TSPAN7: variants seen among roughly 807,000 people sequenced by gnomAD.
The protein encoded by TSPAN7 is tetraspanin-7.
In TSPAN7, 1 loss-of-function variant was observed where a neutral mutation model predicts 17.6. The ratio of observed to expected loss-of-function variants is 0.06; its 90% CI spans 0.02 to 0.27. TSPAN7 has a LOEUF of 0.27. Ranked by LOEUF, TSPAN7 falls within the 10% of genes least tolerant of loss-of-function variation. TSPAN7 has a pLI of 1.00. For synonymous variants in TSPAN7, 78 were observed against 79.0 expected, an observed-to-expected ratio of 0.99 and a Z score of 0.07; for missense variants, 112 against 201.7, an observed-to-expected ratio of 0.56 and a Z score of 2.69.
intron 1 of TSPAN7, among the ~76,000 whole-genome samples, chrX:38,613,618 CTAGTGCTTA>C (rs2069434394): frequency 9.0e-6 from 1 of 111,590 alleles, no homozygotes; most frequent in Admixed American, 9.5e-5. Context: ...AAGGGTAGGT[CTAGTGCTTA>C]GTCTGGGAGC....
chrX:38,596,049 C>T (rs1398709080), intron 1 of TSPAN7, among the ~76,000 whole-genome samples: 1 of 111,844 alleles, frequency 8.9e-6, no homozygotes, highest in Non-Finnish European at 1.9e-5. Flanking sequence ...GTTGTGTGAT[C>T]TGTGCTTCTA....
intron 2 of TSPAN7, 119 bp downstream of exon 2, chrX:38,666,428 A>G (rs1405225826): frequency 1.7e-5 from 13 of 774,769 alleles, no homozygotes; most frequent in Non-Finnish European, 2.5e-5. Context: ...ATTTCAGTCC[A>G]GACTCTTTCC....
At chrX:38,655,232 G>A (rs1010946723) in intron 1 of TSPAN7, among the ~76,000 whole-genome samples, 5 of 111,680 alleles carry the variant, frequency 4.5e-5, no homozygotes, top group Non-Finnish European at 9.4e-5. Context: ...AAGGGGAGAT[G>A]GAGGCTTGGC....
At chrX:38,642,349 T>C (rs2069617476) in intron 1 of TSPAN7, among the ~76,000 whole-genome samples, 1 of 112,187 alleles carries the variant, frequency 8.9e-6, no homozygotes, top group South Asian at 3.7e-4. Context: ...CCAGTGGGTA[T>C]TTATAGGACA....
chrX:38,644,618 A>G (rs1396263910), intron 1 of TSPAN7, among the ~76,000 whole-genome samples: 1 of 111,540 alleles, frequency 9.0e-6, no homozygotes, highest in Admixed American at 9.5e-5. Flanking sequence ...GGATGAATAA[A>G]TGACGTGGAT....
At chrX:38,620,044 G>A (rs2069480775) in intron 1 of TSPAN7, among the ~76,000 whole-genome samples, 1 of 111,955 alleles carries the variant, frequency 8.9e-6, no homozygotes, top group Non-Finnish European at 1.9e-5. Context: ...TGAGGGACAT[G>A]GCGAGGGTGG....
intron 1 of TSPAN7, among the ~76,000 whole-genome samples, chrX:38,665,606 T>G (rs1441735280): frequency 8.9e-6 from 1 of 112,164 alleles, no homozygotes; most frequent in Non-Finnish European, 1.9e-5. Flanking sequence ...AACACATCAA[T>G]AGGGATTCAA....
intron 1 of TSPAN7, 128 bp from the exon 2 acceptor site, chrX:38,665,993 C>A: frequency 1.7e-6 from 1 of 591,336 alleles, no homozygotes; most frequent in Non-Finnish European, 2.8e-6. Context: ...TTTCTCGTTG[C>A]TCAGGGAATC....
intron 1 of TSPAN7, among the ~76,000 whole-genome samples, chrX:38,581,803 G>A (rs1340092464): frequency 8.9e-6 from 1 of 112,582 alleles, no homozygotes; most frequent in Non-Finnish European, 1.9e-5. Flanking sequence ...TAGTAAGAAT[G>A]TGAACTTGCC....
rs1319997573 is a variant in TSPAN7 at position 38,674,135 on chromosome X, G to C, written c.346-86G>C. The stretch of plus-strand genomic sequence containing the variant: ...CATTTATACAGAGACTTTCAGAAGA[G>C]GCTATGTTAGGGTAGAATTTGGTAA... On this transcript the variant is annotated intron_variant, in intron 3 of 7. Coordinates refer to ENST00000378482, the MANE Select transcript of TSPAN7 (RefSeq NM_004615.4). The C allele has an allele frequency of 4.3e-6, 3 of 695,684 alleles. No individual in the cohort carries two copies. The African/African-American group carries it at 6.5e-5, about 15-fold the overall frequency. The allele number at this position is 695,684 out of a possible 1,213,427, so 57.3% of individuals were successfully genotyped here. A position where few individuals can be genotyped will look rare whatever the true frequency, so the allele number is the denominator to read the frequency against.
intron 1 of TSPAN7, among the ~76,000 whole-genome samples, chrX:38,629,074 G>C (rs371989245): frequency 2.7e-5 from 3 of 112,270 alleles, no homozygotes; most frequent in Non-Finnish European, 5.6e-5. Flanking sequence ...AAATTATCTA[G>C]TACCCACATT....
At chrX:38,578,891 A>G in intron 1 of TSPAN7, among the ~76,000 whole-genome samples, 1 of 111,424 alleles carries the variant, frequency 9.0e-6, no homozygotes, top group Non-Finnish European at 1.9e-5. Flanking sequence ...GTGTATATGT[A>G]TTATGTACAT....
intron 2 of TSPAN7, 104 bp downstream of exon 2, chrX:38,666,413 TA>T: frequency 1.1e-6 from 1 of 874,843 alleles, no homozygotes; most frequent in Non-Finnish European, 1.6e-6. Context: ...GACAAGACCT[TA>T]ACAATTTCAG....
chrX:38,675,939 A>T, intron 5 of TSPAN7, 79 bp downstream of exon 5: 2 of 1,095,592 alleles, frequency 1.8e-6, no homozygotes, highest in Non-Finnish European at 1.2e-6. Flanking sequence ...AAATTATGAC[A>T]AATAGATTTG....
At chrX:38,597,038 A>G (rs1427318319) in intron 1 of TSPAN7, among the ~76,000 whole-genome samples, 1 of 111,261 alleles carries the variant, frequency 9.0e-6, no homozygotes, top group East Asian at 2.8e-4. Flanking sequence ...CTGTCCACCT[A>G]CGAAAGTGCT....
intron 1 of TSPAN7, among the ~76,000 whole-genome samples, chrX:38,613,848 G>T (rs997744889): frequency 9.0e-6 from 1 of 111,189 alleles, no homozygotes; most frequent in African/African-American, 3.3e-5. Context: ...ATGGAAAGGG[G>T]AGCTAGACAT....
intron 2 of TSPAN7, among the ~76,000 whole-genome samples, chrX:38,667,490 G>A (rs2069790766): frequency 8.9e-6 from 1 of 112,288 alleles, no homozygotes; most frequent in African/African-American, 3.2e-5. Flanking sequence ...GCCCTAGGTT[G>A]TAGTAACATT....
intron 1 of TSPAN7, among the ~76,000 whole-genome samples, chrX:38,658,429 C>G (rs2069718124): frequency 9.0e-6 from 1 of 110,910 alleles, no homozygotes. Flanking sequence ...ATCCTCCCGC[C>G]TTGGCCTCCC....
At chrX:38,680,276 T>C (rs1387971131) in intron 5 of TSPAN7, among the ~76,000 whole-genome samples, 2 of 111,742 alleles carry the variant, frequency 1.8e-5, no homozygotes, top group Non-Finnish European at 3.8e-5. Flanking sequence ...TGTTAAATTG[T>C]TAAATTTGAA....
Sources: allele counts gnomAD v4.1 joint callset (sites outside exome capture counted in the v4.1 genomes callset), GRCh38; gene constraint gnomAD v4.1.1; transcripts MANE v1.5; gene names NCBI Gene and HGNC (gene_info 2026-07-23, HGNC 2026-07-21).